Variants in PLXNA4 observed in about 807,000 individuals in gnomAD.
PLXNA4 encodes plexin-A4.
PLXNA4 carries 44 observed loss-of-function variants against 191.8 expected under a neutral mutation model. That is an observed-to-expected ratio of 0.23 (90% CI 0.18 to 0.29). PLXNA4 has a LOEUF of 0.29. Among genes scored for constraint, PLXNA4 ranks in the 10% least tolerant of loss-of-function variants. PLXNA4 has a pLI of 1.00. For missense variants in PLXNA4, 1,800 were observed against 2,488.8 expected, an observed-to-expected ratio of 0.72 and a Z score of 5.89; for synonymous variants, 1,082 against 1,009.5, an observed-to-expected ratio of 1.07 and a Z score of -1.36.
intron 14 of PLXNA4, among the ~76,000 whole-genome samples, chr7:132,189,510 A>C (rs897885440): frequency 1.3e-5 from 2 of 152,058 alleles, no homozygotes; most frequent in Non-Finnish European, 2.9e-5. Flanking sequence ...TTGATGAATA[A>C]ACCCACAAAT....
At chr7:132,165,419 GAC>G (rs535344454) in intron 22 of PLXNA4, among the ~76,000 whole-genome samples, 16 of 152,336 alleles carry the variant, frequency 1.1e-4, no homozygotes, top group Middle Eastern at 3.4e-3. Flanking sequence ...GCTGGAAGAT[GAC>G]ATTTTGGGCA....
At chr7:132,206,437 G>GGT (rs61032250) in intron 10 of PLXNA4, among the ~76,000 whole-genome samples, 11,638 of 148,322 alleles carry the variant, frequency 0.078, 533 homozygotes, top group African/African-American at 0.14. Context: ...TATGTTTTCT[G>GGT]GTGTGTGTGT....
At chr7:132,577,241 GGCCGCCGCTGGCTCGGCC>G (rs1209486501), upstream of PLXNA4, 1 of 151,092 alleles carries the variant, frequency 6.6e-6, no homozygotes, top group Non-Finnish European at 1.5e-5. Flanking sequence ...CAGGGAGCGG[GGCCGCCGCTGGCTCGGCC>G]GCCGCCGGAG....
intron 2 of PLXNA4, among the ~76,000 whole-genome samples, chr7:132,497,122 G>GCA (rs34913954): frequency 0.12 from 17,758 of 149,222 alleles, 1,356 homozygotes; most frequent in African/African-American, 0.22. Flanking sequence ...GTGCACGCAC[G>GCA]CACACACACA....
chr7:132,334,651 T>C (rs1802744604), intron 3 of PLXNA4, among the ~76,000 whole-genome samples: 1 of 152,152 alleles, frequency 6.6e-6, no homozygotes, highest in Admixed American at 6.5e-5. Flanking sequence ...CTGCAAATGA[T>C]ATCTGGGCCA....
At chr7:132,268,363 GAC>G (rs1799933250) in intron 4 of PLXNA4, among the ~76,000 whole-genome samples, 1 of 152,228 alleles carries the variant, frequency 6.6e-6, no homozygotes, top group East Asian at 1.9e-4. Flanking sequence ...TACCATGCAT[GAC>G]AGTTTCCTCC....
Position 132,132,440 on chromosome 7 carries a change from CTGTTCTGTTCTGT to C in PLXNA4, c.5589+596_5589+608del, listed in dbSNP as rs1563048148. On this transcript the variant is annotated intron_variant, in intron 31 of 31. Coordinates refer to ENST00000321063, the MANE Select transcript of PLXNA4 (RefSeq NM_020911.2). ...CTGTTCTGTTCTGTTCTGTTCTGTT[CTGTTCTGTTCTGT>C]TCTGTTCTGTTCTGCTCTGCTCTGC... is the stretch of plus-strand genomic sequence containing the variant. Among the ~76,000 whole-genome samples the C allele has an allele frequency of 5.3e-4, 34 of 64,742 alleles. 1 individual carries two copies. The highest frequency in any genetic ancestry group is 1.6e-3 in the African/African-American group (25 of 15,364). 42.5% of individuals were successfully genotyped at this position (64,742 alleles called of 152,430 possible). A position where few individuals can be genotyped will look rare whatever the true frequency, so the allele number is the denominator to read the frequency against.
intron 1 of PLXNA4, among the ~76,000 whole-genome samples, chr7:132,563,407 CCT>C (rs1411762354): frequency 3.2e-5 from 3 of 94,242 alleles, no homozygotes; most frequent in African/African-American, 4.2e-5. Flanking sequence ...TCCTCCTCCT[CCT>C]CTCCCTCCTC....
At position 132,551,508 on chromosome 7, in the gene PLXNA4, G is replaced by A. The variant is rs143086427; in HGVS notation, c.-87+24914C>T. Among the ~76,000 whole-genome samples the A allele has an allele frequency of 1.3e-3, 196 of 152,198 alleles. 5 individuals are homozygous for A. In the East Asian group the frequency reaches 0.034, roughly 27 times the overall value. On this transcript the variant is annotated intron_variant, in intron 1 of 31. Transcript: ENST00000321063. ...AACCTTTCATTACAAAATGCCGGTC[G>A]TGTCCTACAGCCAGAGTAGTGAGTA... is the stretch of plus-strand genomic sequence containing the variant.
chr7:132,131,458 C>T (rs1454179299), intron 31 of PLXNA4, among the ~76,000 whole-genome samples: 2 of 151,910 alleles, frequency 1.3e-5, no homozygotes, highest in African/African-American at 2.4e-5. Flanking sequence ...AGGCACTAGA[C>T]AATTGGGTGG....
intron 5 of PLXNA4, among the ~76,000 whole-genome samples, chr7:132,235,176 C>A (rs773344060): frequency 1.5e-4 from 23 of 152,328 alleles, no homozygotes; most frequent in Admixed American, 5.2e-4. Context: ...CAGGAGGAGG[C>A]ACTGGGATCC....
At position 132,213,192 on chromosome 7, in the gene PLXNA4, A is replaced by G. The variant is rs149929380; in HGVS notation, c.2098-2049T>C. On this transcript the variant is annotated intron_variant, in intron 9 of 31. Transcript: ENST00000321063. Reference sequence around the variant, plus strand: ...GGTTCCACTTGTGGGAGGTCCCTTGAGCAGTCAAATTCATAGAGACAGAAA... The same window carrying G: ...GGTTCCACTTGTGGGAGGTCCCTTGGGCAGTCAAATTCATAGAGACAGAAA... Among the ~76,000 whole-genome samples, 572 of 152,328 alleles carry G rather than the reference A, an allele frequency of 3.8e-3. 3 individuals are homozygous for G. Among genetic ancestry groups the G allele is most frequent in the African/African-American group, 0.013 (543 of 41,568 alleles).
chr7:132,274,001 CA>C (rs1800176122), intron 4 of PLXNA4, among the ~76,000 whole-genome samples: 2 of 131,552 alleles, frequency 1.5e-5, no homozygotes, highest in Non-Finnish European at 3.4e-5. Context: ...TACTATTCAG[CA>C]GTAAAAAAAA....
At chr7:132,422,168 T>C (rs1794873236) in intron 3 of PLXNA4, among the ~76,000 whole-genome samples, 2 of 152,062 alleles carry the variant, frequency 1.3e-5, no homozygotes, top group African/African-American at 4.8e-5. Context: ...AAAACAAGGG[T>C]GAACATGTGA....
chr7:132,370,854 C>G (rs951185147), intron 3 of PLXNA4, among the ~76,000 whole-genome samples: 1 of 152,172 alleles, frequency 6.6e-6, no homozygotes, highest in Non-Finnish European at 1.5e-5. Flanking sequence ...GTGGGCATAC[C>G]ACGTCCCAGG....
chr7:132,142,681 G>A (rs1795304854), intron 29 of PLXNA4, among the ~76,000 whole-genome samples: 1 of 152,166 alleles, frequency 6.6e-6, no homozygotes, highest in African/African-American at 2.4e-5. Context: ...GGAAATAATG[G>A]GATGGCACCC....
At chr7:132,188,624 G>C (rs999496668) in intron 14 of PLXNA4, among the ~76,000 whole-genome samples, 9 of 152,030 alleles carry the variant, frequency 5.9e-5, no homozygotes, top group Admixed American at 5.9e-4. Flanking sequence ...GCCTCACCAG[G>C]TCTCAGCACC....
At chr7:132,301,043 G>A (rs1203446405) in intron 3 of PLXNA4, among the ~76,000 whole-genome samples, 2 of 152,178 alleles carry the variant, frequency 1.3e-5, no homozygotes, top group Non-Finnish European at 2.9e-5. Flanking sequence ...AGCACCAACT[G>A]GACAAGGTTC....
At chr7:132,548,083 A>G (rs1161107758) in intron 1 of PLXNA4, among the ~76,000 whole-genome samples, 1 of 152,134 alleles carries the variant, frequency 6.6e-6, no homozygotes, top group Admixed American at 6.5e-5. Context: ...CAGGGCTGCA[A>G]GTGGGGAGAG....
Sources: allele counts gnomAD v4.1 joint callset (sites outside exome capture counted in the v4.1 genomes callset), GRCh38; gene constraint gnomAD v4.1.1; transcripts MANE v1.5; gene names NCBI Gene and HGNC (gene_info 2026-07-23, HGNC 2026-07-21).